ACACB: variants seen among roughly 807,000 people sequenced by gnomAD.
ACACB encodes acetyl-CoA carboxylase beta.
Under a neutral mutation model 278.8 loss-of-function variants are expected in ACACB, and 209 were observed. The ratio of observed to expected loss-of-function variants is 0.75; its 90% CI spans 0.67 to 0.84. ACACB has a LOEUF of 0.84. ACACB is among the 40% of genes least tolerant of loss of function. The pLI, the probability that ACACB is intolerant of heterozygous loss-of-function variation, is 0.00. For synonymous variants in ACACB, 1,174 were observed against 1,285.6 expected, an observed-to-expected ratio of 0.91 and a Z score of 1.86; for missense variants, 2,850 against 3,269.0, an observed-to-expected ratio of 0.87 and a Z score of 3.13.
chr12:109,171,726 A>C, intron 4 of ACACB, 79 bp from the exon 5 acceptor site: 1 of 1,060,930 alleles, frequency 9.4e-7, no homozygotes, highest in Non-Finnish European at 1.4e-6. Context: ...ATGGCTGTAC[A>C]TAGTCACATC....
At chr12:109,136,266 A>C (rs1367725463) in intron 1 of ACACB, among the ~76,000 whole-genome samples, 1 of 152,184 alleles carries the variant, frequency 6.6e-6, no homozygotes, top group Non-Finnish European at 1.5e-5. Context: ...GTAAGTTTTT[A>C]AATTGGGAAA....
chr12:109,152,640 C>CTTTTTTTTTTTTTTTTTTTTTT (rs34863094), intron 2 of ACACB, among the ~76,000 whole-genome samples: 1 of 74,868 alleles, frequency 1.3e-5, no homozygotes, highest in African/African-American at 4.8e-5. Flanking sequence ...TTCTTTCTTT[C>CTTTTTTTTTTTTTTTTTTTTTT]TTTTTTTTTT....
intron 16 of ACACB, among the ~76,000 whole-genome samples, chr12:109,195,312 A>G (rs1189518298): frequency 1.3e-5 from 2 of 152,236 alleles, no homozygotes; most frequent in African/African-American, 4.8e-5. Context: ...TTCTTTAATT[A>G]GTACTTTCTA....
intron 2 of ACACB, among the ~76,000 whole-genome samples, chr12:109,152,185 A>C (rs2043392335): frequency 6.6e-6 from 1 of 152,220 alleles, no homozygotes; most frequent in Non-Finnish European, 1.5e-5. Flanking sequence ...AAAAATCTAG[A>C]GCAATACAAG....
chr12:109,224,215 G>A (rs1394920399), intron 27 of ACACB, among the ~76,000 whole-genome samples: 1 of 151,990 alleles, frequency 6.6e-6, no homozygotes, highest in Non-Finnish European at 1.5e-5. Context: ...TTCCAGGCAG[G>A]GCACATTAAA....
chr12:109,125,376 A>C (rs1642032), intron 1 of ACACB: 81,247 of 151,964 alleles, frequency 0.53, 23,411 homozygotes, highest in African/African-American at 0.76. Flanking sequence ...CTAGAATCAG[A>C]CATTTCTCCA....
rs553862301 is a variant in ACACB, at chr12:109,201,802, C to T, written c.2913+101C>T. On this transcript the variant is annotated intron_variant, in intron 19 of 52. Transcript: ENST00000338432. ...TGGACTCAAGGCTGGTAGCGCTTCTCCTGCCTCCACCTGCAGACAGAGCTC... is the reference window on the plus strand; with the variant it reads ...TGGACTCAAGGCTGGTAGCGCTTCTTCTGCCTCCACCTGCAGACAGAGCTC... The T allele has an allele frequency of 1.3e-4, 196 of 1,458,974 alleles. No individual in the cohort carries two copies. The East Asian group carries it at 3.2e-3, about 24-fold the overall frequency. The allele number at this position is 1,458,974 out of a possible 1,614,324, so 90.4% of individuals were successfully genotyped here.
rs2044414224 is a variant in ACACB, at chr12:109,180,042, C to T, written c.1773C>T (p.Cys591=). Residue 591 remains cysteine, a synonymous_variant, in exon 11 of 53, where the codon TGC becomes TGT. Transcript: ENST00000338432. ...LNPRLQVEHP[C]TEMIADVNLP... is the part of the protein sequence containing the mutation. ...CTCGCTTGCAGGTGGAACATCCCTG[C>T]ACAGAAATGATTGCTGATGTTAATC... The T allele has an allele frequency of 7.4e-6, 12 of 1,612,946 alleles. No individual in the cohort carries two copies. Among genetic ancestry groups the T allele is most frequent in the African/African-American group, 1.3e-5 (1 of 74,884 alleles).
At chr12:109,140,192 G>A in intron 2 of ACACB, 134 bp downstream of exon 2, 1 of 771,434 alleles carries the variant, frequency 1.3e-6, no homozygotes, top group Non-Finnish European at 1.9e-6. Flanking sequence ...CACAAAAGGA[G>A]AAGACACGAG....
At chr12:109,248,208 A>G (rs1436286919) in intron 40 of ACACB, among the ~76,000 whole-genome samples, 1 of 152,194 alleles carries the variant, frequency 6.6e-6, no homozygotes, top group African/African-American at 2.4e-5. Flanking sequence ...GAGTTTGGGA[A>G]ACACTGGGTT....
At chr12:109,172,457 C>A in intron 6 of ACACB, 101 bp downstream of exon 6, 1 of 1,081,374 alleles carries the variant, frequency 9.2e-7, no homozygotes, top group Non-Finnish European at 1.4e-6. Context: ...AGCGGAGGTC[C>A]GTTTGATTTC....
At position 109,260,544 on chromosome 12, in the gene ACACB, G is replaced by A; in HGVS notation, c.6561G>A (p.Gln2187=). The A allele has an allele frequency of 6.2e-7, 1 of 1,614,234 alleles. No individual in the cohort carries two copies. The highest frequency in any genetic ancestry group is 8.5e-7 in the Non-Finnish European group (1 of 1,180,038). The change falls in exon 48 of 53, where the codon CAG becomes CAA. Residue 2187 remains glutamine, a synonymous_variant. Transcript: ENST00000338432. ...YIVDGLRQYK[Q]PILIYIPPYA... Reference sequence around the variant, plus strand: ...TGGACGGCCTTAGACAATACAAACAGCCCATCCTGATCTATATCCCGCCCT... The same window carrying A: ...TGGACGGCCTTAGACAATACAAACAACCCATCCTGATCTATATCCCGCCCT...
chr12:109,130,087 A>G (rs1298153615), intron 1 of ACACB, among the ~76,000 whole-genome samples: 4 of 152,154 alleles, frequency 2.6e-5, no homozygotes, highest in African/African-American at 9.7e-5. Context: ...TGATTTGTTC[A>G]AGATCACACT....
At chr12:109,218,134 G>A (rs2046056791) in intron 24 of ACACB, among the ~76,000 whole-genome samples, 1 of 152,202 alleles carries the variant, frequency 6.6e-6, no homozygotes, top group Non-Finnish European at 1.5e-5. Flanking sequence ...CCTGTGTGTG[G>A]AGAAGAAGAA....
chr12:109,260,142 G>A, intron 47 of ACACB: 1 of 1,394,902 alleles, frequency 7.2e-7, no homozygotes. Context: ...GGAAGGATCA[G>A]TGTGACTGTT....
At chr12:109,255,420 T>A (rs1054985684) in intron 44 of ACACB, among the ~76,000 whole-genome samples, 2 of 152,206 alleles carry the variant, frequency 1.3e-5, no homozygotes, top group African/African-American at 4.8e-5. Context: ...TTCATTTCTC[T>A]TGGGCTTTCT....
intron 1 of ACACB, among the ~76,000 whole-genome samples, chr12:109,122,240 C>T (rs897828308): frequency 6.6e-6 from 1 of 152,130 alleles, no homozygotes; most frequent in South Asian, 2.1e-4. Context: ...CTTCTCGAAC[C>T]CAGAACTTCC....
chr12:109,188,222 CTT>C (rs2044738433), intron 13 of ACACB, 60 bp downstream of exon 13: 2 of 1,413,704 alleles, frequency 1.4e-6, no homozygotes, highest in Non-Finnish European at 1.9e-6. Context: ...TCCTTCCTTC[CTT>C]CCTTCCTTCC....
chr12:109,209,844 CGTGTGT>C (rs2045634456), intron 21 of ACACB, among the ~76,000 whole-genome samples: 1 of 138,832 alleles, frequency 7.2e-6, no homozygotes, highest in Non-Finnish European at 1.6e-5. Context: ...CATACACACA[CGTGTGT>C]ATATATGTAT....
Sources: allele counts gnomAD v4.1 joint callset (sites outside exome capture counted in the v4.1 genomes callset), GRCh38; gene constraint gnomAD v4.1.1; transcripts MANE v1.5; gene names NCBI Gene and HGNC (gene_info 2026-07-23, HGNC 2026-07-21).